The following TLL2 variants were observed in gnomAD, a reference collection of about 807,000 sequenced individuals.
TLL2 encodes tolloid like 2, also known as tolloid-like protein 2.
Under a neutral mutation model 123.0 loss-of-function variants are expected in TLL2, and 106 were observed. The observed-to-expected ratio is 0.86, with a 90% CI of 0.74 to 1.01. TLL2 has a LOEUF of 1.01. Among genes scored for constraint, TLL2 ranks in the 50% least tolerant of loss-of-function variants. The pLI is 0.00. For missense variants in TLL2, 1,332 were observed against 1,336.7 expected (o/e 1.00, Z 0.06); for synonymous variants, 494 against 516.8 (o/e 0.96, Z 0.60).
chr10:96,493,357 GGAT>G (rs1366362168), intron 1 of TLL2, among the ~76,000 whole-genome samples: 1 of 152,236 alleles, frequency 6.6e-6, no homozygotes. Flanking sequence ...ATGAGTGGGA[GGAT>G]GATGAGTGAG....
At chr10:96,508,235 C>T (rs1436221543) in intron 1 of TLL2, among the ~76,000 whole-genome samples, 1 of 152,232 alleles carries the variant, frequency 6.6e-6, no homozygotes, top group African/African-American at 2.4e-5. Context: ...CCACTCTGGG[C>T]ACTTTTAGGA....
intron 17 of TLL2, among the ~76,000 whole-genome samples, chr10:96,377,473 G>A (rs961716569): frequency 6.6e-6 from 1 of 152,148 alleles, no homozygotes; most frequent in Admixed American, 6.5e-5. Flanking sequence ...TTCTGTGGTG[G>A]GCACTGTGGT....
At position 96,370,189 on chromosome 10, in the gene TLL2, C is replaced by G; in HGVS notation, c.2789G>C (p.Gly930Ala). 1 of 1,614,132 alleles carries G rather than the reference C, an allele frequency of 6.2e-7. No homozygotes were observed. Among genetic ancestry groups the G allele is most frequent in the African/African-American group, 1.3e-5 (1 of 75,064 alleles). ...AAAGGTCCGGAATGTCAGCTCCACG[C>G]CGTAGCCGTCCTCTGCCACGATCAC... ...DWVIVAEDGY[G>A]VELTFRTFEV... is the part of the protein sequence containing the mutation. Residue 930 changes from glycine (G) to alanine (A), a missense_variant, in exon 20 of 21, where the codon GGC becomes GCC. Transcript: ENST00000357947.
chr10:96,373,691 G>T lies in TLL2; in HGVS notation c.2567C>A (p.Pro856Gln). 2 of 1,614,266 alleles carry T rather than the reference G, an allele frequency of 1.2e-6. No homozygotes were observed. The highest frequency in any genetic ancestry group is 4.5e-5 in the East Asian group (2 of 44,886). ...ILGRFCGSKK[P>Q]DPTVASGSSM... ...GCTGCCGGAAGCCACCGTGGGGTCT[G>T]GTTTCTTGCTGCCGCAGAAACGGCC... Residue 856 changes from proline (P) to glutamine (Q), a missense_variant, in exon 19 of 21, where the codon CCA (proline) becomes CAA (glutamine). By Grantham distance (76) the Pro-to-Gln change is moderately conservative. Transcript: ENST00000357947.
chr10:96,507,079 C>A (rs1847586242), intron 1 of TLL2, among the ~76,000 whole-genome samples: 1 of 152,080 alleles, frequency 6.6e-6, no homozygotes, highest in Non-Finnish European at 1.5e-5. Context: ...CCCAGAGCAG[C>A]CCCCTCCAAG....
Position 96,446,086 on chromosome 10 carries a change from A to G in TLL2, c.364+5T>C, listed in dbSNP as rs754248741. 1.5e-5 allele frequency: 25 copies of G among 1,614,182 alleles called. No individual in the cohort carries two copies. The African/African-American group carries it at 1.7e-4, about 11-fold the overall frequency. On this transcript the variant is annotated splice_donor_5th_base_variant and intron_variant, in intron 3 of 20. Coordinates refer to ENST00000357947, the MANE Select transcript of TLL2 (RefSeq NM_012465.4). ...ACCCAAAGACCTGGTGAGGGCTCAC[A>G]TTACCCTTTCCAGCTTCCTTGGTGC...
chr10:96,426,203 C>T (rs1846676303), intron 5 of TLL2, among the ~76,000 whole-genome samples: 1 of 152,052 alleles, frequency 6.6e-6, no homozygotes, highest in Admixed American at 6.5e-5. Flanking sequence ...TTGAACTAAT[C>T]TTGTATTCCC....
At chr10:96,510,330 A>AC (rs1260550748) in intron 1 of TLL2, among the ~76,000 whole-genome samples, 1 of 152,004 alleles carries the variant, frequency 6.6e-6, no homozygotes, top group Non-Finnish European at 1.5e-5. Flanking sequence ...GACAGAGAAC[A>AC]CCCCCCAGAA....
intron 2 of TLL2, among the ~76,000 whole-genome samples, chr10:96,457,784 C>T (rs1255937622): frequency 6.6e-6 from 1 of 152,108 alleles, no homozygotes; most frequent in Non-Finnish European, 1.5e-5. Flanking sequence ...AGCGGGACAC[C>T]AGTTAAATTC....
At chr10:96,449,349 T>G (rs1846931718) in intron 2 of TLL2, among the ~76,000 whole-genome samples, 1 of 152,194 alleles carries the variant, frequency 6.6e-6, no homozygotes, top group Admixed American at 6.5e-5. Flanking sequence ...AGGCTGCTTA[T>G]TCCCAGGGGA....
chr10:96,421,728 T>C (rs994801787), intron 6 of TLL2, among the ~76,000 whole-genome samples: 9 of 149,136 alleles, frequency 6.0e-5, no homozygotes, highest in African/African-American at 2.2e-4. Flanking sequence ...TCCCAGCTAC[T>C]TAGGAGGCTG....
chr10:96,379,919 G>A (rs1183798494), intron 16 of TLL2, among the ~76,000 whole-genome samples: 4 of 152,194 alleles, frequency 2.6e-5, no homozygotes, highest in African/African-American at 9.7e-5. Context: ...CTGTGGCCTG[G>A]GCTCAAGTGC....
chr10:96,504,823 G>A (rs945219218), intron 1 of TLL2, among the ~76,000 whole-genome samples: 1 of 152,054 alleles, frequency 6.6e-6, no homozygotes, highest in Non-Finnish European at 1.5e-5. Context: ...TGGCTAACAC[G>A]TTTCACCGTG....
chr10:96,476,246 T>TATATATATATATA (rs1564915011), intron 2 of TLL2, among the ~76,000 whole-genome samples: 1 of 16,160 alleles, frequency 6.2e-5, no homozygotes, highest in Non-Finnish European at 1.6e-4. Flanking sequence ...ATATATTTTA[T>TATATATATATATA]TTTTGTTGTT....
Position 96,506,392 on chromosome 10 carries a change from G to C in TLL2, c.175+7119C>G, listed in dbSNP as rs1426549479. On this transcript the variant is annotated intron_variant, in intron 1 of 20. Coordinates refer to ENST00000357947, the MANE Select transcript of TLL2 (RefSeq NM_012465.4). The stretch of plus-strand genomic sequence containing the variant: ...GTCTTTGTTCTCCACAGTCTGGGGA[G>C]GGGCCAGGTGCTCAAATAACCATAG... Among the ~76,000 whole-genome samples the C allele has an allele frequency of 2.6e-5, 4 of 152,054 alleles. No individual in the cohort carries two copies. In the East Asian group the frequency reaches 7.7e-4, roughly 29 times the overall value.
Position 96,445,753 on chromosome 10 carries a change from C to G in TLL2, c.364+338G>C, listed in dbSNP as rs117682344. Among the ~76,000 whole-genome samples the G allele has an allele frequency of 1.5e-3, 231 of 152,266 alleles. 4 individuals are homozygous for G. In the East Asian group the frequency reaches 0.038, roughly 25 times the overall value. ...TGACCACCAAATGCCGCCCTTCCATCCCTTTCGCCAGCAGCACGCCAGCCC... is the reference window on the plus strand; with the variant it reads ...TGACCACCAAATGCCGCCCTTCCATGCCTTTCGCCAGCAGCACGCCAGCCC... On this transcript the variant is annotated intron_variant, in intron 3 of 20. Transcript: ENST00000357947.
intron 3 of TLL2, among the ~76,000 whole-genome samples, chr10:96,434,361 T>C (rs1846773021): frequency 6.6e-6 from 1 of 152,210 alleles, no homozygotes; most frequent in Admixed American, 6.5e-5. Context: ...ATCTCTCCCT[T>C]TCCCGAGACC....
At chr10:96,480,855 G>A (rs1394847847) in intron 1 of TLL2, among the ~76,000 whole-genome samples, 1 of 152,194 alleles carries the variant, frequency 6.6e-6, no homozygotes, top group Non-Finnish European at 1.5e-5. Context: ...AATTTTTGTT[G>A]CCCTTCCCTG....
At chr10:96,376,628 A>G (rs1476753805) in intron 18 of TLL2, 64 bp downstream of exon 18, 2 of 1,560,854 alleles carry the variant, frequency 1.3e-6, no homozygotes, top group Non-Finnish European at 8.7e-7. Flanking sequence ...CAGAGCAGAG[A>G]CTCAAACGCA....
Sources: gnomAD v4.1 joint callset for allele counts (sites outside exome capture counted in the v4.1 genomes callset) on GRCh38, gnomAD v4.1.1 for gene constraint, MANE v1.5 for transcripts, NCBI Gene and HGNC (gene_info 2026-07-23, HGNC 2026-07-21) for gene names.